The following CCDC15 variants were observed in gnomAD, a reference collection of about 807,000 sequenced individuals.
CCDC15 encodes coiled-coil domain containing 15, also known as coiled-coil domain-containing protein 15.
CCDC15 carries 105 observed loss-of-function variants against 114.5 expected under a neutral mutation model. The observed-to-expected ratio is 0.92, with a 90% CI of 0.78 to 1.08. The LOEUF is 1.08. Ranked by LOEUF, CCDC15 falls within the 50% of genes least tolerant of loss-of-function variation. The pLI, the probability that CCDC15 is intolerant of heterozygous loss-of-function variation, is 0.00. For missense variants in CCDC15, 1,105 were observed against 1,093.6 expected, an observed-to-expected ratio of 1.01 and a Z score of -0.15; for synonymous variants, 334 against 377.8, an observed-to-expected ratio of 0.88 and a Z score of 1.34.
At chr11:125,014,782 A>G (rs142815051) in intron 13 of CCDC15, among the ~76,000 whole-genome samples, 6 of 152,312 alleles carry the variant, frequency 3.9e-5, no homozygotes, top group Non-Finnish European at 8.8e-5. Flanking sequence ...TTAATATCTT[A>G]TACAGTTAAA....
intron 4 of CCDC15, among the ~76,000 whole-genome samples, chr11:124,967,542 T>C (rs1591573767): frequency 6.6e-6 from 1 of 152,218 alleles, no homozygotes; most frequent in Non-Finnish European, 1.5e-5. Flanking sequence ...TAATCTTTTT[T>C]CAAGGGTTTT....
intron 15 of CCDC15, among the ~76,000 whole-genome samples, chr11:125,039,880 C>T (rs1262240636): frequency 6.6e-6 from 1 of 152,128 alleles, no homozygotes; most frequent in African/African-American, 2.4e-5. Flanking sequence ...CCTTTTGCAC[C>T]TCACACTCAG....
chr11:125,009,489 G>A (rs1948575194), intron 13 of CCDC15, among the ~76,000 whole-genome samples: 1 of 152,072 alleles, frequency 6.6e-6, no homozygotes, highest in Non-Finnish European at 1.5e-5. Flanking sequence ...GGTCTTTTTG[G>A]TTTTGTTTTT....
intron 5 of CCDC15, among the ~76,000 whole-genome samples, chr11:124,976,728 A>G (rs1484271288): frequency 6.6e-6 from 1 of 152,144 alleles, no homozygotes; most frequent in Non-Finnish European, 1.5e-5. Flanking sequence ...TACTATTCAC[A>G]GTTCTGATTG....
chr11:124,966,069 T>C (rs1376097442), intron 4 of CCDC15, among the ~76,000 whole-genome samples: 1 of 152,180 alleles, frequency 6.6e-6, no homozygotes, highest in Non-Finnish European at 1.5e-5. Flanking sequence ...AACTATATGG[T>C]CAATTTTGGA....
intron 6 of CCDC15, among the ~76,000 whole-genome samples, chr11:124,981,290 A>G (rs1948069033): frequency 6.6e-6 from 1 of 152,168 alleles, no homozygotes; most frequent in Non-Finnish European, 1.5e-5. Context: ...TATAAGGTCC[A>G]TTTAGTCAAG....
intron 8 of CCDC15, 69 bp from the exon 9 acceptor site, chr11:124,991,392 C>T: frequency 9.0e-7 from 1 of 1,111,152 alleles, no homozygotes; most frequent in Non-Finnish European, 1.2e-6. Context: ...TCAATGAAGC[C>T]TAGAATATTA....
intron 12 of CCDC15, 39 bp downstream of exon 12, chr11:125,003,998 C>T: frequency 9.7e-7 from 1 of 1,028,686 alleles, no homozygotes; most frequent in Non-Finnish European, 1.4e-6. Context: ...AATATTTCTA[C>T]TATGATAGTA....
At chr11:125,038,340 C>G (rs1481172633) in intron 13 of CCDC15, 91 bp from the exon 14 acceptor site, 2 of 850,842 alleles carry the variant, frequency 2.4e-6, no homozygotes, top group Admixed American at 7.5e-5. Context: ...TCCTTAGTTT[C>G]TGGGAATTTC....
chr11:125,027,869 T>A (rs1385269269), intron 13 of CCDC15, among the ~76,000 whole-genome samples: 2 of 152,190 alleles, frequency 1.3e-5, no homozygotes, highest in Non-Finnish European at 2.9e-5. Flanking sequence ...TAGTTTCACG[T>A]CTTAGGTTTA....
intron 13 of CCDC15, among the ~76,000 whole-genome samples, chr11:125,012,206 A>G (rs960312503): frequency 5.9e-5 from 9 of 152,194 alleles, no homozygotes; most frequent in African/African-American, 2.2e-4. Flanking sequence ...ATGGGCAGTC[A>G]TAGGCTTCAG....
At chr11:125,030,393 G>A (rs1948730133) in intron 13 of CCDC15, among the ~76,000 whole-genome samples, 1 of 152,164 alleles carries the variant, frequency 6.6e-6, no homozygotes, top group Non-Finnish European at 1.5e-5. Context: ...TGAGTTCCAT[G>A]AGCAGGAGCC....
At chr11:124,977,259 A>G in intron 5 of CCDC15, among the ~76,000 whole-genome samples, 1 of 152,158 alleles carries the variant, frequency 6.6e-6, no homozygotes, top group Non-Finnish European at 1.5e-5. Flanking sequence ...GTTGTCATTT[A>G]TAAAGTTAAT....
intron 12 of CCDC15, 88 bp from the exon 13 acceptor site, chr11:125,005,021 T>A (rs1948537081): frequency 1.7e-6 from 1 of 571,534 alleles, no homozygotes; most frequent in Non-Finnish European, 3.1e-6. Context: ...TGCTTGCATT[T>A]GTTTTTGTCT....
intron 6 of CCDC15, among the ~76,000 whole-genome samples, chr11:124,979,656 G>A (rs1015137526): frequency 1.3e-5 from 2 of 152,122 alleles, no homozygotes; most frequent in South Asian, 4.1e-4. Context: ...ATCAGATCAT[G>A]GAGCTTTGGG....
Position 124,992,630 on chromosome 11 carries a change from G to A in CCDC15, c.2082G>A (p.Leu694=), listed in dbSNP as rs567027603. ...REERVREELP[L]DYHQYVVPKI... ...AAAGAGTGAGAGAAGAATTGCCTCT[G>A]GACTATCATCAATATGTTGTACCTA... Residue 694 remains leucine (L), a synonymous_variant, in exon 10 of 16, where the codon CTG becomes CTA. Coordinates refer to ENST00000344762, the MANE Select transcript of CCDC15 (RefSeq NM_025004.3). The A allele has an allele frequency of 8.1e-5, 129 of 1,601,246 alleles. No homozygotes were observed. The highest frequency in any genetic ancestry group is 1.1e-4 in the Non-Finnish European group (126 of 1,173,434).
In CCDC15 at chr11:124,954,761, C is replaced by T; in HGVS notation, c.29C>T (p.Pro10Leu). The T allele has an allele frequency of 6.2e-7, 1 of 1,613,908 alleles. No homozygotes were observed. Among genetic ancestry groups the T allele is most frequent in the Non-Finnish European group, 8.5e-7 (1 of 1,179,860 alleles). Residue 10 changes from proline (P) to leucine (L), a missense_variant, in exon 2 of 16, where the codon CCT becomes CTT. By Grantham distance (98) the Pro-to-Leu change is moderately conservative. Coordinates refer to ENST00000344762, the MANE Select transcript of CCDC15 (RefSeq NM_025004.3). MLGSMARKK[P>L]RNTSRLPLAL... is the part of the protein sequence containing the mutation. ...CTGGGAAGTATGGCCCGAAAGAAACCTCGAAATACCTCAAGGTTGCCCCTG... is the reference window on the plus strand; with the variant it reads ...CTGGGAAGTATGGCCCGAAAGAAACTTCGAAATACCTCAAGGTTGCCCCTG...
chr11:125,017,691 T>C lies in CCDC15; in HGVS notation c.2411+12479T>C, dbSNP rs201034142. On this transcript the variant is annotated intron_variant, in intron 13 of 15. Coordinates refer to ENST00000344762, the MANE Select transcript of CCDC15 (RefSeq NM_025004.3). The stretch of plus-strand genomic sequence containing the variant: ...GGTATTCCAGAAGAAGGCATTATCA[T>C]AGGAGAATACAACTCCATGAGTGTT... Among the ~76,000 whole-genome samples, 21 of 152,236 alleles carry C rather than the reference T, an allele frequency of 1.4e-4. No individual in the cohort carries two copies. In the East Asian group the frequency reaches 2.9e-3, roughly 21 times the overall value.
At chr11:125,009,262 T>C (rs73020400) in intron 13 of CCDC15, among the ~76,000 whole-genome samples, 5,977 of 151,990 alleles carry the variant, frequency 0.039, 146 homozygotes, top group Middle Eastern at 0.092. Flanking sequence ...AAATCTAATA[T>C]GAGGATTTAC....
Sources: allele counts gnomAD v4.1 joint callset (sites outside exome capture counted in the v4.1 genomes callset), GRCh38; gene constraint gnomAD v4.1.1; transcripts MANE v1.5; gene names NCBI Gene and HGNC (gene_info 2026-07-23, HGNC 2026-07-21).